The following KIAA1549L variants were observed in gnomAD, a reference collection of about 807,000 sequenced individuals.
KIAA1549L encodes UPF0606 protein KIAA1549L.
KIAA1549L carries 88 observed loss-of-function variants against 160.7 expected under a neutral mutation model. The observed-to-expected ratio is 0.55, with a 90% CI of 0.46 to 0.65. KIAA1549L has a LOEUF of 0.65. Ranked by LOEUF, KIAA1549L falls within the 30% of genes least tolerant of loss-of-function variation. The probability of loss-of-function intolerance (pLI) is 0.00; values close to 1 mark genes in which losing one functional copy is unlikely to be tolerated. For synonymous variants in KIAA1549L, 950 were observed against 976.7 expected, an observed-to-expected ratio of 0.97 and a Z score of 0.51; for missense variants, 2,258 against 2,437.5, an observed-to-expected ratio of 0.93 and a Z score of 1.55.
intron 11 of KIAA1549L, among the ~76,000 whole-genome samples, chr11:33,585,915 C>T (rs879887986): frequency 1.3e-5 from 2 of 152,158 alleles, no homozygotes; most frequent in Admixed American, 6.5e-5. Context: ...CACTTGTGTG[C>T]GGTGGAGCTG....
chr11:33,426,961 T>TG (rs1362761099), intron 1 of KIAA1549L, among the ~76,000 whole-genome samples: 2 of 152,216 alleles, frequency 1.3e-5, no homozygotes, highest in African/African-American at 4.8e-5. Context: ...GTAGGCTCTT[T>TG]GGGGCTATTA....
rs148081856 is a variant in KIAA1549L at position 33,607,784 on chromosome 11, A to C, written c.5061+962A>C. Among the ~76,000 whole-genome samples the C allele has an allele frequency of 9.8e-5, 15 of 152,360 alleles. No homozygotes were observed. The East Asian group carries it at 2.9e-3, about 29-fold the overall frequency. ...ACGCAGCATCTGGGCCACTTATAAA[A>C]GCATTTTACAAACCCAACTCAGGAA... On this transcript the variant is annotated intron_variant, in intron 14 of 20. Transcript: ENST00000658780.
chr11:33,459,426 C>T (rs1440127400), intron 1 of KIAA1549L, among the ~76,000 whole-genome samples: 2 of 152,218 alleles, frequency 1.3e-5, no homozygotes, highest in East Asian at 1.9e-4. Context: ...TCTAATGTCA[C>T]ACTGCCTTTG....
At chr11:33,609,062 C>G (rs1463987436) in intron 14 of KIAA1549L, among the ~76,000 whole-genome samples, 1 of 152,264 alleles carries the variant, frequency 6.6e-6, no homozygotes, top group Non-Finnish European at 1.5e-5. Context: ...CTGCTTATAT[C>G]TCCAACAGTT....
At chr11:33,662,760 C>T (rs1399804372) in intron 20 of KIAA1549L, among the ~76,000 whole-genome samples, 1 of 152,122 alleles carries the variant, frequency 6.6e-6, no homozygotes, top group Non-Finnish European at 1.5e-5. Flanking sequence ...GTTCAAGACA[C>T]TTAAAATGAT....
chr11:33,503,823 A>G (rs910146227), intron 1 of KIAA1549L, among the ~76,000 whole-genome samples: 2 of 152,194 alleles, frequency 1.3e-5, no homozygotes, highest in Non-Finnish European at 2.9e-5. Context: ...GTAACCCTTC[A>G]ATTATTAACT....
chr11:33,528,864 T>C (rs1193440741), intron 1 of KIAA1549L, among the ~76,000 whole-genome samples: 2 of 152,230 alleles, frequency 1.3e-5, no homozygotes, highest in Non-Finnish European at 2.9e-5. Context: ...AGACTACACG[T>C]TGGGTACAGT....
chr11:33,668,633 A>AAATC lies in KIAA1549L; in HGVS notation c.*481_*484dup, dbSNP rs1852567636. 1 of 160,110 alleles carries AAATC rather than the reference A, an allele frequency of 6.2e-6. No homozygotes were observed. Among genetic ancestry groups the AAATC allele is most frequent in the South Asian group, 1.8e-4 (1 of 5,514 alleles). 9.9% of individuals were successfully genotyped at this position (160,110 alleles called of 1,614,324 possible). A position where few individuals can be genotyped will look rare whatever the true frequency, so the allele number is the denominator to read the frequency against. On this transcript the variant is annotated 3_prime_UTR_variant, in exon 21 of 21. Transcript: ENST00000658780. Reference sequence around the variant, plus strand: ...CATTCAACCATGACCGTGCGCATTAAAATCAGTTTGTAAGGGAGACACTGA... The same window carrying AAATC: ...CATTCAACCATGACCGTGCGCATTAAAATCAATCAGTTTGTAAGGGAGACACTGA...
chr11:33,381,422 CAAGTGCA>C (rs1850071731), intron 1 of KIAA1549L, among the ~76,000 whole-genome samples: 1 of 152,088 alleles, frequency 6.6e-6, no homozygotes, highest in African/African-American at 2.4e-5. Flanking sequence ...GTGGGAAAAG[CAAGTGCA>C]AAGGCCTTGA....
intron 1 of KIAA1549L, among the ~76,000 whole-genome samples, chr11:33,417,570 T>G (rs1850913236): frequency 6.6e-6 from 1 of 152,168 alleles, no homozygotes; most frequent in Non-Finnish European, 1.5e-5. Context: ...GCATCTGGCC[T>G]CCTTGCAGGG....
rs1852702083 is a variant in KIAA1549L, at chr11:33,672,696, C to T, written c.*4542C>T. ...CTTGCACATCAGGTGAGGGTGCACACACTTGAAACTCTGCTAGACTGGCCA... is the reference window on the plus strand; with the variant it reads ...CTTGCACATCAGGTGAGGGTGCACATACTTGAAACTCTGCTAGACTGGCCA... On this transcript the variant is annotated 3_prime_UTR_variant, in exon 21 of 21. Transcript: ENST00000658780. 1 of 153,836 alleles carries T rather than the reference C, an allele frequency of 6.5e-6. No homozygotes were observed. The highest frequency in any genetic ancestry group is 2.4e-5 in the African/African-American group (1 of 41,458). The allele number at this position is 153,836 out of a possible 1,614,324, so 9.5% of individuals were successfully genotyped here.
Position 33,625,927 on chromosome 11 carries a change from G to C in KIAA1549L, c.5409+7265G>C, listed in dbSNP as rs1375813456. On this transcript the variant is annotated intron_variant, in intron 16 of 20. Coordinates refer to ENST00000658780, the MANE Select transcript of KIAA1549L (RefSeq NM_012194.3). ...TTAAGTCTTTAATCCATCTTGAATT[G>C]ATTTTTGTATAAGGTGTAAGGAAGG... Among the ~76,000 whole-genome samples the C allele has an allele frequency of 3.4e-5, 5 of 149,108 alleles. No homozygotes were observed. In the East Asian group the frequency reaches 9.9e-4, roughly 29 times the overall value.
intron 13 of KIAA1549L, among the ~76,000 whole-genome samples, chr11:33,602,672 A>G (rs976880233): frequency 6.6e-6 from 1 of 152,240 alleles, no homozygotes; most frequent in African/African-American, 2.4e-5. Flanking sequence ...AGACACTTGC[A>G]GTTTCACTGT....
In KIAA1549L at chr11:33,670,214, G is replaced by C. The variant is rs923748704; in HGVS notation, c.*2060G>C. On this transcript the variant is annotated 3_prime_UTR_variant, in exon 21 of 21. Transcript: ENST00000658780. ...TTCATTAGTGCAATGATATCAACCA[G>C]TACTTTGTCTACTTGGTAAATGCCT... 2 of 152,194 alleles carry C rather than the reference G, an allele frequency of 1.3e-5. No homozygotes were observed. The highest frequency in any genetic ancestry group is 4.8e-5 in the African/African-American group (2 of 41,454). The allele number at this position is 152,194 out of a possible 1,614,324, so 9.4% of individuals were successfully genotyped here.
At chr11:33,606,263 A>T (rs916423118) in intron 13 of KIAA1549L, among the ~76,000 whole-genome samples, 3 of 152,214 alleles carry the variant, frequency 2.0e-5, no homozygotes, top group South Asian at 4.1e-4. Flanking sequence ...GGATTGTCGG[A>T]TTTTAAGGAC....
intron 1 of KIAA1549L, among the ~76,000 whole-genome samples, chr11:33,435,794 A>ATATATGTGTGTGTGTGTGTG (rs1851351640): frequency 3.1e-5 from 1 of 32,358 alleles, no homozygotes; most frequent in African/African-American, 2.2e-4. Context: ...ATATATATAT[A>ATATATGTGTGTGTGTGTGTG]TATATATATA....
At chr11:33,584,402 C>T (rs1159146068) in intron 11 of KIAA1549L, among the ~76,000 whole-genome samples, 1 of 152,206 alleles carries the variant, frequency 6.6e-6, no homozygotes, top group Non-Finnish European at 1.5e-5. Flanking sequence ...TTCAGTGGCT[C>T]CACTGAAGCC....
intron 1 of KIAA1549L, among the ~76,000 whole-genome samples, chr11:33,479,695 C>T (rs909664676): frequency 3.3e-5 from 5 of 152,116 alleles, no homozygotes; most frequent in African/African-American, 9.7e-5. Flanking sequence ...TTGTTAAGAG[C>T]GTCACCCTAG....
At chr11:33,592,614 C>A (rs1021781372) in intron 12 of KIAA1549L, among the ~76,000 whole-genome samples, 24 of 152,178 alleles carry the variant, frequency 1.6e-4, no homozygotes, top group African/African-American at 5.3e-4. Context: ...GTGAACAAGA[C>A]AGAGTTACTG....
Sources: allele counts gnomAD v4.1 joint callset (sites outside exome capture counted in the v4.1 genomes callset), GRCh38; gene constraint gnomAD v4.1.1; transcripts MANE v1.5; gene names NCBI Gene and HGNC (gene_info 2026-07-23, HGNC 2026-07-21).